DRC9: variants seen among roughly 807,000 people sequenced by gnomAD.
DRC9 encodes the protein dynein regulatory complex protein 9.
At chr3:197,953,714 A>AT in the DRC9 span, 1 of 482,042 alleles carries the variant, frequency 2.1e-6, no homozygotes, top group Admixed American at 3.3e-5. Flanking sequence ...CTTTTTTGCT[A>AT]TTTTTTCAAT....
chr3:197,893,857 GAAAA>G, the DRC9 span, among the ~76,000 whole-genome samples: 1 of 151,758 alleles, frequency 6.6e-6, no homozygotes, highest in African/African-American at 2.4e-5. Context: ...CAAAAAAAAA[GAAAA>G]AGAAAGAAAA....
chr3:197,950,087 C>T, the DRC9 span: 1 of 1,217,286 alleles, frequency 8.2e-7, no homozygotes, highest in African/African-American at 1.6e-5. Flanking sequence ...AGTGCGAAGC[C>T]GATTTCCGAG....
the DRC9 span, chr3:197,945,709 A>C: frequency 1.1e-6 from 1 of 941,806 alleles, no homozygotes. Flanking sequence ...AGAAACACTG[A>C]GATTAGTTTA....
At chr3:197,932,095 T>C in the DRC9 span, 47 of 1,496,184 alleles carry the variant, frequency 3.1e-5, no homozygotes, top group Non-Finnish European at 4.3e-5. Context: ...TGGTTTGCTT[T>C]AAAATTCAAG....
At chr3:197,933,018 A>AT in the DRC9 span, among the ~76,000 whole-genome samples, 1 of 140,786 alleles carries the variant, frequency 7.1e-6, no homozygotes. Flanking sequence ...AATATATATT[A>AT]ATATAAAATA....
chr3:197,943,802 G>C, the DRC9 span: 1 of 1,614,122 alleles, frequency 6.2e-7, no homozygotes, highest in Non-Finnish European at 8.5e-7. Flanking sequence ...GTCTCCCTTC[G>C]TACTGAACGG....
the DRC9 span, among the ~76,000 whole-genome samples, chr3:197,898,536 TCTGTTCTCATA>T: frequency 2.6e-5 from 4 of 152,224 alleles, no homozygotes; most frequent in African/African-American, 9.6e-5. Context: ...GGTGTATTAG[TCTGTTCTCATA>T]CTGCTGATAA....
the DRC9 span, chr3:197,950,395 C>T: frequency 3.6e-6 from 4 of 1,114,312 alleles, no homozygotes; most frequent in South Asian, 4.4e-5. Flanking sequence ...GTGTTTGGTC[C>T]CCTGACACCC....
the DRC9 span, chr3:197,951,564 GC>G: frequency 2.2e-6 from 1 of 462,980 alleles, no homozygotes; most frequent in East Asian, 4.4e-5. Context: ...TGTTGGCCAG[GC>G]TGGTCCCAAA....
chr3:197,907,499 C>T, the DRC9 span, among the ~76,000 whole-genome samples: 1 of 152,220 alleles, frequency 6.6e-6, no homozygotes, highest in Non-Finnish European at 1.5e-5. Context: ...TGATAGCCTA[C>T]CCTGTTGGAT....
the DRC9 span, among the ~76,000 whole-genome samples, chr3:197,910,717 C>T: frequency 6.6e-6 from 1 of 152,118 alleles, no homozygotes; most frequent in Non-Finnish European, 1.5e-5. Context: ...CGGTGGCTCA[C>T]GCCTGTAATC....
the DRC9 span, chr3:197,916,266 C>T: frequency 6.5e-6 from 1 of 153,408 alleles, no homozygotes; most frequent in African/African-American, 2.5e-5. Flanking sequence ...AGCCACTGCG[C>T]CCGGCTTTGT....
the DRC9 span, chr3:197,913,143 GT>G: frequency 5.8e-6 from 1 of 173,530 alleles, no homozygotes; most frequent in Non-Finnish European, 1.2e-5. Flanking sequence ...GCCCAAGGAC[GT>G]TTGTTCCTGC....
chr3:197,928,259 CCTAA>C, the DRC9 span, among the ~76,000 whole-genome samples: 1 of 151,724 alleles, frequency 6.6e-6, no homozygotes, highest in African/African-American at 2.4e-5. Context: ...TTATTTTTAT[CCTAA>C]CTTTTTCACT....
the DRC9 span, chr3:197,912,579 G>C: frequency 1.2e-6 from 1 of 863,028 alleles, no homozygotes; most frequent in Non-Finnish European, 1.9e-6. Context: ...CTGAAAGAAT[G>C]ATGGTTGGTT....
chr3:197,891,323 A>G, the DRC9 span: 19 of 583,240 alleles, frequency 3.3e-5, no homozygotes, highest in Middle Eastern at 2.8e-4. Context: ...ACAAAAGTCC[A>G]TGCTTCTTCT....
chr3:197,948,331 T>G, the DRC9 span, among the ~76,000 whole-genome samples: 1 of 152,232 alleles, frequency 6.6e-6, no homozygotes, highest in Non-Finnish European at 1.5e-5. Flanking sequence ...AGTGATCCTT[T>G]CGCTGACTCG....
chr3:197,926,777 G>A, the DRC9 span, among the ~76,000 whole-genome samples: 2 of 152,144 alleles, frequency 1.3e-5, no homozygotes, highest in Non-Finnish European at 2.9e-5. Flanking sequence ...GACTCTTGAT[G>A]ACCTTGCCAA....
At chr3:197,892,619 C>T in the DRC9 span, 2 of 1,613,904 alleles carry the variant, frequency 1.2e-6, no homozygotes, top group African/African-American at 1.3e-5. Context: ...GCCCTAATTC[C>T]TTCCTTACCA....
Sources: allele counts gnomAD v4.1 joint callset (sites outside exome capture counted in the v4.1 genomes callset), GRCh38; gene constraint gnomAD v4.1.1; transcripts MANE v1.5; gene names NCBI Gene and HGNC (gene_info 2026-07-23, HGNC 2026-07-21).